CTNNA3: variants seen among roughly 807,000 people sequenced by gnomAD.
CTNNA3 encodes the protein catenin alpha 3, also known as catenin alpha-3.
In CTNNA3, 76 loss-of-function variants were observed where a neutral mutation model predicts 95.7. The ratio of observed to expected loss-of-function variants is 0.79; its 90% CI spans 0.66 to 0.96. CTNNA3 has a LOEUF of 0.96. Among genes scored for constraint, CTNNA3 ranks in the 40% least tolerant of loss-of-function variants. The probability of loss-of-function intolerance (pLI) is 0.00; values close to 1 mark genes in which losing one functional copy is unlikely to be tolerated. For synonymous variants in CTNNA3, 431 were observed against 374.4 expected (o/e 1.15, Z -1.74); for missense variants, 1,191 against 1,089.8 (o/e 1.09, Z -1.31).
chr10:66,249,262 A>T (rs2090453855), intron 13 of CTNNA3, among the ~76,000 whole-genome samples: 1 of 152,160 alleles, frequency 6.6e-6, no homozygotes, highest in African/African-American at 2.4e-5. Context: ...CCAAAGCAAA[A>T]AAGAACAAAT....
intron 5 of CTNNA3, among the ~76,000 whole-genome samples, chr10:67,337,199 AG>A (rs1376006931): frequency 6.6e-6 from 1 of 152,194 alleles, no homozygotes; most frequent in Non-Finnish European, 1.5e-5. Flanking sequence ...GATTCATGGG[AG>A]GAGGTCAAAA....
chr10:66,309,097 C>T (rs1396918890), intron 12 of CTNNA3, among the ~76,000 whole-genome samples: 1 of 152,164 alleles, frequency 6.6e-6, no homozygotes, highest in Non-Finnish European at 1.5e-5. Context: ...TCACTCACGT[C>T]TACTTAAGAT....
At chr10:67,440,259 G>A (rs927216028) in intron 5 of CTNNA3, among the ~76,000 whole-genome samples, 1 of 152,214 alleles carries the variant, frequency 6.6e-6, no homozygotes, top group Non-Finnish European at 1.5e-5. Flanking sequence ...TCCGCCTGTG[G>A]AAAGTGGAGG....
At chr10:66,307,736 GTT>G (rs2091953124) in intron 12 of CTNNA3, among the ~76,000 whole-genome samples, 1 of 152,064 alleles carries the variant, frequency 6.6e-6, no homozygotes, top group African/African-American at 2.4e-5. Flanking sequence ...AAAGACTTAA[GTT>G]TCATTTTTAG....
chr10:66,124,343 C>T (rs1374519157), intron 13 of CTNNA3, among the ~76,000 whole-genome samples: 2 of 152,194 alleles, frequency 1.3e-5, no homozygotes, highest in Non-Finnish European at 2.9e-5. Flanking sequence ...TCCTCATCTC[C>T]ATCTGAGACC....
At chr10:66,749,871 C>A (rs1839060037) in intron 9 of CTNNA3, among the ~76,000 whole-genome samples, 1 of 152,218 alleles carries the variant, frequency 6.6e-6, no homozygotes. Context: ...GCATCCTCAC[C>A]AACACTTGGT....
At chr10:66,845,532 C>T (rs190503876) in intron 7 of CTNNA3, among the ~76,000 whole-genome samples, 1,825 of 150,270 alleles carry the variant, frequency 0.012, 33 homozygotes, top group African/African-American at 0.043. Context: ...GGAGAAACCC[C>T]ATCTCTACTA....
intron 2 of CTNNA3, among the ~76,000 whole-genome samples, chr10:67,632,030 A>G (rs1451197773): frequency 6.6e-6 from 1 of 151,914 alleles, no homozygotes; most frequent in Non-Finnish European, 1.5e-5. Flanking sequence ...AAGATGAATA[A>G]GTTTTGGGAC....
chr10:67,540,408 A>G (rs1204930354), intron 3 of CTNNA3, among the ~76,000 whole-genome samples: 3 of 151,986 alleles, frequency 2.0e-5, no homozygotes, highest in Admixed American at 6.6e-5. Context: ...TTATTATAAA[A>G]GTACTATAAT....
At position 66,388,741 on chromosome 10, in the gene CTNNA3, G is replaced by T. The variant is rs539722943; in HGVS notation, c.1532-9389C>A. On this transcript the variant is annotated intron_variant, in intron 11 of 17. Transcript: ENST00000433211. Reference sequence around the variant, plus strand: ...CAAAGCAGCTATAGTAAGAATATTAGAGAAGATGTGTAAATGATCTTTGAA... The same window carrying T: ...CAAAGCAGCTATAGTAAGAATATTATAGAAGATGTGTAAATGATCTTTGAA... 1.9e-4 allele frequency among the ~76,000 whole-genome samples: 29 copies of T among 152,228 alleles called. No individual in the cohort carries two copies. The South Asian group carries it at 5.8e-3, about 30-fold the overall frequency.
intron 9 of CTNNA3, among the ~76,000 whole-genome samples, chr10:66,705,638 T>C (rs1181385287): frequency 6.6e-6 from 1 of 152,068 alleles, no homozygotes; most frequent in Admixed American, 6.6e-5. Context: ...TAAATATAAT[T>C]GTGTGTTTGT....
intron 10 of CTNNA3, among the ~76,000 whole-genome samples, chr10:66,548,573 T>A (rs1055784652): frequency 6.6e-6 from 1 of 152,162 alleles, no homozygotes; most frequent in African/African-American, 2.4e-5. Context: ...TTGTCAGATG[T>A]CATTTATCAG....
At chr10:66,510,633 TTC>T (rs146384867) in intron 11 of CTNNA3, among the ~76,000 whole-genome samples, 1,542 of 152,044 alleles carry the variant, frequency 0.01, 38 homozygotes, top group African/African-American at 0.035. Context: ...TAAAAGATTT[TTC>T]TGTCTATTGA....
chr10:67,225,192 C>A (rs1035045782), intron 5 of CTNNA3, among the ~76,000 whole-genome samples: 2 of 152,100 alleles, frequency 1.3e-5, no homozygotes, highest in African/African-American at 4.8e-5. Flanking sequence ...GAATCTCACT[C>A]CCACCCCCTA....
intron 11 of CTNNA3, 50 bp downstream of exon 11, chr10:66,520,567 T>A: frequency 6.5e-7 from 1 of 1,533,330 alleles, no homozygotes; most frequent in Non-Finnish European, 8.9e-7. Flanking sequence ...TTATTCTATT[T>A]TATAAAATTG....
intron 4 of CTNNA3, among the ~76,000 whole-genome samples, chr10:67,529,988 C>T (rs781563522): frequency 6.6e-6 from 1 of 152,112 alleles, no homozygotes; most frequent in Non-Finnish European, 1.5e-5. Context: ...GGGAGTTTCC[C>T]TACACAAGCT....
chr10:67,486,524 C>A lies in CTNNA3; in HGVS notation c.579+35318G>T, dbSNP rs938242452. Among the ~76,000 whole-genome samples the A allele has an allele frequency of 2.0e-5, 3 of 152,128 alleles. No individual in the cohort carries two copies. The East Asian group carries it at 5.8e-4, about 29-fold the overall frequency. ...TCTACATTCAATTTCTGCTTCCCTACCATACTTTGGTAGGTCCCCAAGTTT... is the reference window on the plus strand; with the variant it reads ...TCTACATTCAATTTCTGCTTCCCTAACATACTTTGGTAGGTCCCCAAGTTT... On this transcript the variant is annotated intron_variant, in intron 5 of 17. Transcript: ENST00000433211.
rs940321086 is a variant in CTNNA3 at position 67,306,139 on chromosome 10, C to G, written c.580-86269G>C. Reference sequence around the variant, plus strand: ...TTCTCTTTTAAAAAAGCTTAACAGTCAGGGATAGAAAGAACTGATAGCAAA... The same window carrying G: ...TTCTCTTTTAAAAAAGCTTAACAGTGAGGGATAGAAAGAACTGATAGCAAA... On this transcript the variant is annotated intron_variant, in intron 5 of 17. Transcript: ENST00000433211. Among the ~76,000 whole-genome samples the G allele has an allele frequency of 4.6e-5, 7 of 152,096 alleles. No homozygotes were observed. The East Asian group carries it at 1.4e-3, about 29-fold the overall frequency.
At chr10:66,784,582 T>G (rs189574453) in intron 7 of CTNNA3, among the ~76,000 whole-genome samples, 110 of 152,304 alleles carry the variant, frequency 7.2e-4, no homozygotes, top group African/African-American at 2.5e-3. Flanking sequence ...AATCTCCATC[T>G]AATATTTGAA....
Sources: gnomAD v4.1 joint callset for allele counts (sites outside exome capture counted in the v4.1 genomes callset) on GRCh38, gnomAD v4.1.1 for gene constraint, MANE v1.5 for transcripts, NCBI Gene and HGNC (gene_info 2026-07-23, HGNC 2026-07-21) for gene names.